SLCO3A1: variants seen among roughly 807,000 people sequenced by gnomAD.
The protein encoded by SLCO3A1 is PGE1 transporter.
SLCO3A1 carries 27 observed loss-of-function variants against 63.1 expected under a neutral mutation model. That is an observed-to-expected ratio of 0.43 (90% CI 0.32 to 0.59). SLCO3A1 has a LOEUF of 0.59. Ranked by LOEUF, SLCO3A1 falls within the 20% of genes least tolerant of loss-of-function variation. The pLI, the probability that SLCO3A1 is intolerant of heterozygous loss-of-function variation, is 0.09. For missense variants in SLCO3A1, 773 were observed against 945.8 expected, an observed-to-expected ratio of 0.82 and a Z score of 2.40; for synonymous variants, 473 against 409.9, an observed-to-expected ratio of 1.15 and a Z score of -1.86.
intron 2 of SLCO3A1, among the ~76,000 whole-genome samples, chr15:91,981,778 G>A (rs1179064757): frequency 6.6e-6 from 1 of 152,160 alleles, no homozygotes; most frequent in Non-Finnish European, 1.5e-5. Flanking sequence ...CACAGAGTGT[G>A]GACATCAGGG....
rs547433666 is a variant in SLCO3A1, at chr15:91,942,730, G to A, written c.646+26272G>A. ...ATTACAGGCGTGCACCACCACGCCCGGCTAATTTTTGAAAAGAGATGGGGT... is the reference window on the plus strand; with the variant it reads ...ATTACAGGCGTGCACCACCACGCCCAGCTAATTTTTGAAAAGAGATGGGGT... On this transcript the variant is annotated intron_variant, in intron 2 of 9. Coordinates refer to ENST00000318445, the MANE Select transcript of SLCO3A1 (RefSeq NM_013272.4). This position sits in a 1 kb window ranked among gnomAD's most constrained non-coding sequence, Gnocchi z 4.1. Among the ~76,000 whole-genome samples the A allele has an allele frequency of 7.9e-5, 12 of 152,188 alleles. No individual in the cohort carries two copies. The highest frequency in any genetic ancestry group is 7.8e-4 in the East Asian group (4 of 5,156).
downstream of SLCO3A1, chr15:92,166,017 G>A (rs1364610022): frequency 2.5e-5 from 11 of 441,802 alleles, no homozygotes; most frequent in African/African-American, 1.3e-4. Context: ...TAACTCCTAC[G>A]TAGAGACAAA....
chr15:91,958,971 C>G (rs1555417951), intron 2 of SLCO3A1, among the ~76,000 whole-genome samples: 1 of 152,182 alleles, frequency 6.6e-6, no homozygotes. Flanking sequence ...CATGCACACA[C>G]ATGTTTATAG....
intron 7 of SLCO3A1, among the ~76,000 whole-genome samples, chr15:92,143,895 G>A (rs1220983792): frequency 2.0e-5 from 3 of 152,136 alleles, no homozygotes; most frequent in South Asian, 2.1e-4. Context: ...GAAGCTGTGC[G>A]GCATGGCTGC....
rs1266043708 is a variant in SLCO3A1 at position 91,854,098 on chromosome 15, C to A, written c.180+10C>A. On this transcript the variant is annotated intron_variant, in intron 1 of 9. Coordinates refer to ENST00000318445, the MANE Select transcript of SLCO3A1 (RefSeq NM_013272.4). The surrounding 1 kb of genome is among the most constrained non-coding windows in gnomAD (Gnocchi z 6.4). ...GGTGGGCGCCTACCTGGTGAGTCCC[C>A]GAGCCAACTCCGCCGCGGGCCCCTT... is the stretch of plus-strand genomic sequence containing the variant. 2 of 1,491,304 alleles carry A rather than the reference C, an allele frequency of 1.3e-6. No homozygotes were observed. The highest frequency in any genetic ancestry group is 1.3e-5 in the South Asian group (1 of 77,862). The allele number at this position is 1,491,304 out of a possible 1,614,324, so 92.4% of individuals were successfully genotyped here. A position where few individuals can be genotyped will look rare whatever the true frequency, so the allele number is the denominator to read the frequency against.
At chr15:91,880,179 ATC>A (rs1386602917) in intron 1 of SLCO3A1, among the ~76,000 whole-genome samples, 1 of 151,570 alleles carries the variant, frequency 6.6e-6, no homozygotes, top group African/African-American at 2.4e-5. Context: ...CCATCTATCT[ATC>A]TATCTATCTA....
At chr15:92,131,107 C>A (rs2047989995) in intron 7 of SLCO3A1, among the ~76,000 whole-genome samples, 1 of 152,058 alleles carries the variant, frequency 6.6e-6, no homozygotes, top group Non-Finnish European at 1.5e-5. Context: ...TTCCTGAATA[C>A]AGATGAGGTT....
chr15:92,029,254 C>T (rs1159992967), intron 2 of SLCO3A1, among the ~76,000 whole-genome samples: 1 of 152,172 alleles, frequency 6.6e-6, no homozygotes, highest in Non-Finnish European at 1.5e-5. Context: ...TTGTTCACTT[C>T]CTGAGGTTGC....
intron 3 of SLCO3A1, chr15:92,098,303 C>T (rs1596099333): frequency 6.6e-6 from 1 of 152,302 alleles, no homozygotes; most frequent in Admixed American, 6.5e-5. Context: ...CCACGGGGCA[C>T]CTTGCCTGGA....
At chr15:92,045,789 C>G (rs2046854551) in intron 2 of SLCO3A1, among the ~76,000 whole-genome samples, 1 of 152,154 alleles carries the variant, frequency 6.6e-6, no homozygotes, top group African/African-American at 2.4e-5. Flanking sequence ...CTCAGTATTT[C>G]CCTTTCTCAC....
intron 7 of SLCO3A1, among the ~76,000 whole-genome samples, chr15:92,141,027 C>T (rs2048125015): frequency 6.6e-6 from 1 of 152,208 alleles, no homozygotes; most frequent in Non-Finnish European, 1.5e-5. Context: ...ACGGACAAGC[C>T]TGTTCCCCCT....
At chr15:91,991,221 A>T (rs911024759) in intron 2 of SLCO3A1, among the ~76,000 whole-genome samples, 50 of 152,182 alleles carry the variant, frequency 3.3e-4, no homozygotes, top group Non-Finnish European at 1.3e-4. Flanking sequence ...AAATCAAAAA[A>T]TTAGGCAGGG....
At chr15:92,007,562 G>T (rs903839186) in intron 2 of SLCO3A1, among the ~76,000 whole-genome samples, 1 of 152,338 alleles carries the variant, frequency 6.6e-6, no homozygotes, top group African/African-American at 2.4e-5. Flanking sequence ...GGCTTGGGTT[G>T]TATGTACTAG....
chr15:91,934,841 G>GT (rs886497259), intron 2 of SLCO3A1, among the ~76,000 whole-genome samples: 24 of 152,172 alleles, frequency 1.6e-4, no homozygotes, highest in Admixed American at 4.6e-4. Context: ...GTATAATTCC[G>GT]TAAGTTACTG....
At chr15:91,998,949 A>C (rs1290227688) in intron 2 of SLCO3A1, among the ~76,000 whole-genome samples, 1 of 152,266 alleles carries the variant, frequency 6.6e-6, no homozygotes, top group Non-Finnish European at 1.5e-5. Context: ...TAGAATACCG[A>C]GCAGCCGTTA....
Position 91,855,440 on chromosome 15 carries a change from C to A in SLCO3A1, c.180+1352C>A, listed in dbSNP as rs1456010523. 2.0e-5 allele frequency among the ~76,000 whole-genome samples: 3 copies of A among 152,314 alleles called. No homozygotes were observed. The East Asian group carries it at 5.8e-4, about 29-fold the overall frequency. ...GGGCTTTTGAAAATCAAATACATTTCTGTTGCTCATTCTGAGACGAAAAGC... is the reference window on the plus strand; with the variant it reads ...GGGCTTTTGAAAATCAAATACATTTATGTTGCTCATTCTGAGACGAAAAGC... On this transcript the variant is annotated intron_variant, in intron 1 of 9. Coordinates refer to ENST00000318445, the MANE Select transcript of SLCO3A1 (RefSeq NM_013272.4).
intron 3 of SLCO3A1, among the ~76,000 whole-genome samples, chr15:92,100,897 G>A (rs2047597433): frequency 6.6e-6 from 1 of 152,172 alleles, no homozygotes; most frequent in Admixed American, 6.5e-5. Context: ...AAGAGGGGGT[G>A]GAGTCATGTA....
intron 1 of SLCO3A1, chr15:91,889,261 A>C (rs912798107): frequency 1.2e-6 from 1 of 837,216 alleles, no homozygotes; most frequent in Admixed American, 2.3e-5. Flanking sequence ...CTGGACCTGG[A>C]GTGCATTTGC....
intron 2 of SLCO3A1, among the ~76,000 whole-genome samples, chr15:91,971,394 C>CAA (rs796386299): frequency 0.037 from 1,448 of 39,358 alleles, 288 homozygotes; most frequent in South Asian, 0.1. Flanking sequence ...GACTCCATCT[C>CAA]AAAAAAAAAA....
Sources: gnomAD v4.1 joint callset for allele counts (sites outside exome capture counted in the v4.1 genomes callset) on GRCh38, gnomAD v4.1.1 for gene constraint, Gnocchi (gnomAD v3.1) non-coding constraint, MANE v1.5 for transcripts, NCBI Gene and HGNC (gene_info 2026-07-23, HGNC 2026-07-21) for gene names.